Variants in RTN1 observed in about 807,000 individuals in gnomAD.
RTN1 encodes reticulon-1.
RTN1 carries 25 observed loss-of-function variants against 65.5 expected under a neutral mutation model. The observed-to-expected ratio is 0.38, with a 90% CI of 0.28 to 0.53. RTN1 has a LOEUF of 0.53. Ranked by LOEUF, RTN1 falls within the 20% of genes least tolerant of loss-of-function variation. The probability of loss-of-function intolerance (pLI) is 0.79; values close to 1 mark genes in which losing one functional copy is unlikely to be tolerated. For synonymous variants in RTN1, 471 were observed against 447.6 expected (o/e 1.05, Z -0.66); for missense variants, 983 against 1,025.4 (o/e 0.96, Z 0.57).
At chr14:59,660,768 C>A (rs1259944043) in intron 3 of RTN1, among the ~76,000 whole-genome samples, 1 of 151,774 alleles carries the variant, frequency 6.6e-6, no homozygotes, top group Non-Finnish European at 1.5e-5. Context: ...CACTAAATTC[C>A]CAAAAAAGAA....
At chr14:59,696,887 A>AG (rs1199248285) in intron 3 of RTN1, among the ~76,000 whole-genome samples, 3 of 152,248 alleles carry the variant, frequency 2.0e-5, no homozygotes, top group South Asian at 2.1e-4. Context: ...CTGCTCTCAT[A>AG]GGGGGGAAAA....
rs1038495876 is a variant in RTN1, at chr14:59,829,641, T to C, written c.241+40749A>G. Among the ~76,000 whole-genome samples the C allele has an allele frequency of 2.6e-5, 4 of 152,222 alleles. No individual in the cohort carries two copies. The highest frequency in any genetic ancestry group is 5.9e-5 in the Non-Finnish European group (4 of 68,032). The stretch of plus-strand genomic sequence containing the variant: ...TTTCATTTCCTGCTCATGCTCCCTG[T>C]CCAGGCAGGTTGGCTTGGGGACTCT... On this transcript the variant is annotated intron_variant, in intron 1 of 8. Coordinates refer to ENST00000267484, the MANE Select transcript of RTN1 (RefSeq NM_021136.3). The surrounding 1 kb of genome is among the most constrained non-coding windows in gnomAD (Gnocchi z 4.3).
At chr14:59,862,135 C>T (rs564085733) in intron 1 of RTN1, among the ~76,000 whole-genome samples, 53 of 152,318 alleles carry the variant, frequency 3.5e-4, no homozygotes, top group Admixed American at 8.5e-4. Flanking sequence ...GCATCTCCTA[C>T]GTTCTATACA....
At chr14:59,811,350 G>T (rs753171360) in intron 1 of RTN1, among the ~76,000 whole-genome samples, 1 of 152,140 alleles carries the variant, frequency 6.6e-6, no homozygotes, top group Non-Finnish European at 1.5e-5. Context: ...CTTCTAGTCT[G>T]ATCATTTCAT....
In RTN1 at chr14:59,812,440, T is replaced by C. The variant is rs557313635; in HGVS notation, c.241+57950A>G. 3.3e-5 allele frequency among the ~76,000 whole-genome samples: 5 copies of C among 152,256 alleles called. No individual in the cohort carries two copies. In the East Asian group the frequency reaches 7.7e-4, roughly 23 times the overall value. On this transcript the variant is annotated intron_variant, in intron 1 of 8. Transcript: ENST00000267484. ...AGGTCTGAAGGCTTGTGAAAATAAG[T>C]ATTAAAAGTGTTGCAGCTTGTAGGT... is the stretch of plus-strand genomic sequence containing the variant.
At chr14:59,689,073 T>C (rs1383827587) in intron 3 of RTN1, among the ~76,000 whole-genome samples, 2 of 152,174 alleles carry the variant, frequency 1.3e-5, no homozygotes, top group East Asian at 3.9e-4. Context: ...ATGAAACTTC[T>C]TAAGCAATCC....
rs142357975 is a variant in RTN1, at chr14:59,613,632, C to T, written c.1766-6140G>A. On this transcript the variant is annotated intron_variant, in intron 3 of 8. Transcript: ENST00000267484. ...ATTTAAAAGGCCTTTATGTTTTTCTCTTCTTGGAACTTGTTTTTCTGGAAA... is the reference window on the plus strand; with the variant it reads ...ATTTAAAAGGCCTTTATGTTTTTCTTTTCTTGGAACTTGTTTTTCTGGAAA... Among the ~76,000 whole-genome samples, 1,431 of 152,148 alleles carry T rather than the reference C, an allele frequency of 9.4e-3. 24 individuals carry two copies. Among genetic ancestry groups the T allele is most frequent in the Non-Finnish European group, 0.011 (714 of 67,990 alleles).
chr14:59,837,815 T>C (rs1365327815), intron 1 of RTN1, among the ~76,000 whole-genome samples: 1 of 152,192 alleles, frequency 6.6e-6, no homozygotes, highest in Non-Finnish European at 1.5e-5. Flanking sequence ...TCAACCTTTT[T>C]TTTAACCTTA....
chr14:59,847,240 C>A lies in RTN1; in HGVS notation c.241+23150G>T, dbSNP rs73302089. 4.2e-3 allele frequency among the ~76,000 whole-genome samples: 632 copies of A among 152,244 alleles called. 5 individuals are homozygous for A. The highest frequency in any genetic ancestry group is 0.014 in the African/African-American group (597 of 41,556). On this transcript the variant is annotated intron_variant, in intron 1 of 8. Transcript: ENST00000267484. The stretch of plus-strand genomic sequence containing the variant: ...TTCATTAGACTATAACTTTCTTAAA[C>A]CTTTATATCCACAAACATGTAGCAT...
chr14:59,843,665 T>C (rs545670047), intron 1 of RTN1, among the ~76,000 whole-genome samples: 2 of 152,270 alleles, frequency 1.3e-5, no homozygotes, highest in East Asian at 1.9e-4. Flanking sequence ...ATTTGAAAAG[T>C]GCATTTGTGA....
At chr14:59,787,445 C>T (rs1267874302) in intron 1 of RTN1, among the ~76,000 whole-genome samples, 1 of 152,198 alleles carries the variant, frequency 6.6e-6, no homozygotes, top group Admixed American at 6.5e-5. Flanking sequence ...ATATGAAGTG[C>T]TTCACACAGT....
At chr14:59,658,177 C>T (rs534049068) in intron 3 of RTN1, among the ~76,000 whole-genome samples, 43 of 152,360 alleles carry the variant, frequency 2.8e-4, no homozygotes, top group South Asian at 8.3e-4. Context: ...AGCAAAGCCA[C>T]TGTAGACGGA....
At chr14:59,811,402 T>A (rs1416499396) in intron 1 of RTN1, among the ~76,000 whole-genome samples, 1 of 152,196 alleles carries the variant, frequency 6.6e-6, no homozygotes, top group African/African-American at 2.4e-5. Flanking sequence ...TTTAATCAGA[T>A]CTGACCACAG....
rs1886409179 is a variant in RTN1, at chr14:59,794,699, T to C, written c.242-48218A>G. On this transcript the variant is annotated intron_variant, in intron 1 of 8. Transcript: ENST00000267484. This position sits in a 1 kb window ranked among gnomAD's most constrained non-coding sequence, Gnocchi z 5.1. The stretch of plus-strand genomic sequence containing the variant: ...TGGTTCATCACCAAACCCTTGTTCT[T>C]GGCTAAAGGATGAGAGAAAGGAAAA... Among the ~76,000 whole-genome samples, 1 of 152,184 alleles carries C rather than the reference T, an allele frequency of 6.6e-6. No individual in the cohort carries two copies. Among genetic ancestry groups the C allele is most frequent in the Non-Finnish European group, 1.5e-5 (1 of 68,022 alleles).
chr14:59,726,367 T>C lies in RTN1; in HGVS notation c.1765+552A>G, dbSNP rs562939467. On this transcript the variant is annotated intron_variant, in intron 3 of 8. Transcript: ENST00000267484. ...GAAAACTCTGGACCCAACTGTGGTC[T>C]CTGTCTTGCCTGACTCACTGGGACA... Among the ~76,000 whole-genome samples the C allele has an allele frequency of 9.8e-5, 15 of 152,332 alleles. No homozygotes were observed. In the East Asian group the frequency reaches 2.9e-3, roughly 29 times the overall value.
chr14:59,789,412 T>A (rs1197535735), intron 1 of RTN1, among the ~76,000 whole-genome samples: 3 of 152,278 alleles, frequency 2.0e-5, no homozygotes, highest in East Asian at 1.9e-4. Context: ...AAGATTGAAT[T>A]TTATCAAGTG....
At chr14:59,644,128 TA>T (rs2140193850) in intron 3 of RTN1, among the ~76,000 whole-genome samples, 1 of 152,364 alleles carries the variant, frequency 6.6e-6, no homozygotes, top group East Asian at 1.9e-4. Context: ...CTCTAAGTTT[TA>T]AAGATGGGCA....
intron 1 of RTN1, among the ~76,000 whole-genome samples, chr14:59,784,435 C>G (rs1192992065): frequency 6.9e-6 from 1 of 144,890 alleles, no homozygotes; most frequent in Non-Finnish European, 1.5e-5. Context: ...GAGCGAAACT[C>G]CGTCTCAGAA....
At chr14:59,820,773 A>C (rs1886929839) in intron 1 of RTN1, among the ~76,000 whole-genome samples, 1 of 152,182 alleles carries the variant, frequency 6.6e-6, no homozygotes, top group South Asian at 2.1e-4. Flanking sequence ...GGATATAGTC[A>C]AACTTTATCA....
Sources: gnomAD v4.1 joint callset for allele counts (sites outside exome capture counted in the v4.1 genomes callset) on GRCh38, gnomAD v4.1.1 for gene constraint, Gnocchi (gnomAD v3.1) non-coding constraint, MANE v1.5 for transcripts, NCBI Gene and HGNC (gene_info 2026-07-23, HGNC 2026-07-21) for gene names.